GNB4: variants seen among roughly 807,000 people sequenced by gnomAD.
GNB4 encodes the protein guanine nucleotide-binding protein subunit beta-4.
A neutral mutation model predicts 45.2 loss-of-function variants in GNB4; 28 were observed. The observed-to-expected ratio is 0.62, with a 90% CI of 0.46 to 0.85. The LOEUF is 0.85. GNB4 is among the 40% of genes least tolerant of loss of function. The probability of loss-of-function intolerance (pLI) is 0.00; values close to 1 mark genes in which losing one functional copy is unlikely to be tolerated. For missense variants in GNB4, 321 were observed against 425.4 expected (o/e 0.75, Z 2.16); for synonymous variants, 132 against 143.7 (o/e 0.92, Z 0.58).
At chr3:179,470,221 A>T in the GNB4 span, among the ~76,000 whole-genome samples, 2 of 152,192 alleles carry the variant, frequency 1.3e-5, no homozygotes, top group Non-Finnish European at 2.9e-5. Flanking sequence ...TACTCCTACA[A>T]CTTATAAAAA....
At chr3:179,526,639 A>G in the GNB4 span, among the ~76,000 whole-genome samples, 2 of 152,202 alleles carry the variant, frequency 1.3e-5, no homozygotes, top group African/African-American at 2.4e-5. Flanking sequence ...CTCTAACTCA[A>G]CACTGTCTTT....
At chr3:179,451,997 A>G (rs1715894286), upstream of GNB4, among the ~76,000 whole-genome samples, 1 of 152,198 alleles carries the variant, frequency 6.6e-6, no homozygotes, top group Non-Finnish European at 1.5e-5. Flanking sequence ...TCTCGGGCCT[A>G]AGTTTCGTCA....
the GNB4 span, among the ~76,000 whole-genome samples, chr3:179,522,086 G>A: frequency 2.6e-5 from 4 of 152,148 alleles, no homozygotes; most frequent in South Asian, 4.2e-4. Context: ...AGGAATGTCA[G>A]GCCTCTGAGC....
the GNB4 span, among the ~76,000 whole-genome samples, chr3:179,511,503 G>A: frequency 8.5e-5 from 13 of 152,178 alleles, no homozygotes; most frequent in African/African-American, 3.1e-4. Flanking sequence ...CAGAGAGGCA[G>A]CATTAAGTAG....
chr3:179,510,529 T>C, the GNB4 span, among the ~76,000 whole-genome samples: 2 of 151,862 alleles, frequency 1.3e-5, no homozygotes, highest in South Asian at 4.2e-4. Flanking sequence ...GGCCTGAGCC[T>C]TGAGGAAAGC....
intron 2 of GNB4, among the ~76,000 whole-genome samples, chr3:179,424,035 G>A (rs1217682540): frequency 2.6e-5 from 4 of 152,166 alleles, no homozygotes; most frequent in Non-Finnish European, 5.9e-5. Context: ...GACTAGTATG[G>A]CTACAGCACA....
intron 1 of GNB4, among the ~76,000 whole-genome samples, chr3:179,428,612 T>C (rs907496975): frequency 2.0e-5 from 3 of 152,144 alleles, no homozygotes; most frequent in African/African-American, 7.2e-5. Context: ...ACTAAAACAC[T>C]AGAAAGAACT....
the GNB4 span, among the ~76,000 whole-genome samples, chr3:179,506,835 CT>C: frequency 6.6e-6 from 1 of 152,094 alleles, no homozygotes. Context: ...TAAATAAGCT[CT>C]TGGATTTCCT....
intron 8 of GNB4, among the ~76,000 whole-genome samples, chr3:179,411,128 T>C (rs1440199526): frequency 6.6e-6 from 1 of 152,098 alleles, no homozygotes; most frequent in Non-Finnish European, 1.5e-5. Flanking sequence ...TTACAATTAT[T>C]AAGTGTCTTT....
chr3:179,405,262 C>G lies in GNB4; in HGVS notation c.844G>C (p.Gly282Arg). 1 of 1,614,172 alleles carries G rather than the reference C, an allele frequency of 6.2e-7. No individual in the cohort carries two copies. The highest frequency in any genetic ancestry group is 8.5e-7 in the Non-Finnish European group (1 of 1,180,010). ...GITSVAFSKS[G>R]RLLLAGYDDF... ...TCGTAACCAGCCAACAAGAGACGCC[C>G]ACTTTTTGAGAAGGCTACAGAAGTG... The change falls in exon 9 of 10, where the codon GGG becomes CGG. Residue 282 changes from glycine (G) to arginine (R), a missense_variant. Coordinates refer to ENST00000232564, the MANE Select transcript of GNB4 (RefSeq NM_021629.4).
At chr3:179,513,988 AT>A in the GNB4 span, among the ~76,000 whole-genome samples, 3 of 152,176 alleles carry the variant, frequency 2.0e-5, no homozygotes, top group South Asian at 4.1e-4. Flanking sequence ...CATTCAACAC[AT>A]TTTTTAAGAT....
chr3:179,481,318 C>CT, the GNB4 span, among the ~76,000 whole-genome samples: 1 of 151,678 alleles, frequency 6.6e-6, no homozygotes, highest in Non-Finnish European at 1.5e-5. Flanking sequence ...CAAAGTTAAA[C>CT]TTTTTTTCTT....
At chr3:179,510,125 C>T in the GNB4 span, among the ~76,000 whole-genome samples, 1 of 151,922 alleles carries the variant, frequency 6.6e-6, no homozygotes, top group African/African-American at 2.4e-5. Context: ...CCACAGTGCC[C>T]AGGCTTCTTT....
At chr3:179,436,422 A>G (rs1162849597) in intron 1 of GNB4, among the ~76,000 whole-genome samples, 2 of 152,168 alleles carry the variant, frequency 1.3e-5, no homozygotes, top group Non-Finnish European at 2.9e-5. Flanking sequence ...AAATAAAATA[A>G]AATAAAAATG....
At chr3:179,419,595 A>C (rs1714916584) in intron 3 of GNB4, 90 bp from the exon 4 acceptor site, 1 of 804,236 alleles carries the variant, frequency 1.2e-6, no homozygotes, top group South Asian at 1.4e-5. Flanking sequence ...TAAAAAAGCA[A>C]ACATAAAGTA....
the GNB4 span, among the ~76,000 whole-genome samples, chr3:179,520,786 C>G: frequency 5.7e-4 from 86 of 152,176 alleles, 1 homozygote; most frequent in African/African-American, 2.0e-3. Flanking sequence ...GACATTCACT[C>G]CATTTCCCCA....
the GNB4 span, among the ~76,000 whole-genome samples, chr3:179,469,330 AT>A: frequency 6.6e-6 from 1 of 152,206 alleles, no homozygotes; most frequent in Non-Finnish European, 1.5e-5. Context: ...TATACCTTAA[AT>A]ATATACAATT....
chr3:179,513,825 A>C, the GNB4 span, among the ~76,000 whole-genome samples: 6 of 152,190 alleles, frequency 3.9e-5, no homozygotes, highest in African/African-American at 1.2e-4. Flanking sequence ...CATATCATAA[A>C]ATTAAAATAA....
At chr3:179,444,249 C>G (rs1559982495) in intron 1 of GNB4, among the ~76,000 whole-genome samples, 1 of 151,960 alleles carries the variant, frequency 6.6e-6, no homozygotes, top group Non-Finnish European at 1.5e-5. Flanking sequence ...AAAGAGTTTC[C>G]CTGGTGATAT....
Sources: allele counts gnomAD v4.1 joint callset (sites outside exome capture counted in the v4.1 genomes callset), GRCh38; gene constraint gnomAD v4.1.1; transcripts MANE v1.5; gene names NCBI Gene and HGNC (gene_info 2026-07-23, HGNC 2026-07-21).